The following DYNC1I1 variants were observed in gnomAD, a reference collection of about 807,000 sequenced individuals.
DYNC1I1 encodes the protein cytoplasmic dynein 1 intermediate chain 1.
A neutral mutation model predicts 86.6 loss-of-function variants in DYNC1I1; 43 were observed. The ratio of observed to expected loss-of-function variants is 0.50; its 90% CI spans 0.39 to 0.64. DYNC1I1 has a LOEUF of 0.64. DYNC1I1 is among the 30% of genes least tolerant of loss of function. DYNC1I1 has a pLI of 0.00. For missense variants in DYNC1I1, 604 were observed against 788.8 expected (o/e 0.77, Z 2.81); for synonymous variants, 262 against 283.7 (o/e 0.92, Z 0.77).
At chr7:95,834,831 T>G (rs1789029416) in intron 5 of DYNC1I1, among the ~76,000 whole-genome samples, 1 of 148,994 alleles carries the variant, frequency 6.7e-6, no homozygotes, top group Non-Finnish European at 1.5e-5. Flanking sequence ...CCTTTATCAT[T>G]TTTTATTGTG....
chr7:96,010,520 A>G (rs1221169319), intron 10 of DYNC1I1, among the ~76,000 whole-genome samples: 1 of 152,198 alleles, frequency 6.6e-6, no homozygotes, highest in Non-Finnish European at 1.5e-5. Flanking sequence ...AAACCAATAA[A>G]GTCCATTACT....
Position 95,876,279 on chromosome 7 carries a change from T to G in DYNC1I1, c.490+6281T>G, listed in dbSNP as rs549176480. ...GCTCCTATCTGGAAATAAATTCCCCTGTTTAACTTCCTTCAATTTATATCT... is the reference window on the plus strand; with the variant it reads ...GCTCCTATCTGGAAATAAATTCCCCGGTTTAACTTCCTTCAATTTATATCT... On this transcript the variant is annotated intron_variant, in intron 6 of 16. Coordinates refer to ENST00000447467, the MANE Select transcript of DYNC1I1 (RefSeq NM_001135556.2). Among the ~76,000 whole-genome samples, 20 of 152,348 alleles carry G rather than the reference T, an allele frequency of 1.3e-4. 1 individual carries two copies. Among genetic ancestry groups the G allele is most frequent in the African/African-American group, 4.8e-4 (20 of 41,578 alleles).
At chr7:96,084,972 T>C (rs1484873119) in intron 16 of DYNC1I1, among the ~76,000 whole-genome samples, 1 of 152,204 alleles carries the variant, frequency 6.6e-6, no homozygotes. Context: ...CACACCATTG[T>C]TGAGAACTCC....
At chr7:96,103,150 C>G, downstream of DYNC1I1, among the ~76,000 whole-genome samples, 1 of 152,060 alleles carries the variant, frequency 6.6e-6, no homozygotes, top group East Asian at 1.9e-4. Context: ...AAGGTGAGTT[C>G]TGTGTGAGCC....
chr7:95,896,392 G>A (rs111590900), intron 6 of DYNC1I1, among the ~76,000 whole-genome samples: 180 of 152,246 alleles, frequency 1.2e-3, no homozygotes, highest in African/African-American at 4.1e-3. Context: ...CTAATAATGC[G>A]TGCTTATATT....
intron 5 of DYNC1I1, among the ~76,000 whole-genome samples, chr7:95,845,883 G>T (rs972951766): frequency 6.6e-6 from 1 of 152,108 alleles, no homozygotes; most frequent in Non-Finnish European, 1.5e-5. Flanking sequence ...ATCACCAAGT[G>T]TTTGTTCTCT....
chr7:95,785,299 A>G (rs1794100375), intron 1 of DYNC1I1, among the ~76,000 whole-genome samples: 1 of 152,174 alleles, frequency 6.6e-6, no homozygotes, highest in Admixed American at 6.5e-5. Context: ...CTGTGGTCCC[A>G]GCTACTTAGG....
At chr7:95,880,894 C>G (rs1409376574) in intron 6 of DYNC1I1, among the ~76,000 whole-genome samples, 1 of 152,120 alleles carries the variant, frequency 6.6e-6, no homozygotes, top group East Asian at 1.9e-4. Flanking sequence ...ATCCGCCCAT[C>G]TCAGCCTCCC....
chr7:95,961,571 T>C (rs924459822), intron 6 of DYNC1I1, among the ~76,000 whole-genome samples: 1 of 152,146 alleles, frequency 6.6e-6, no homozygotes, highest in Non-Finnish European at 1.5e-5. Flanking sequence ...GGGAACAATA[T>C]AGAATGGCAG....
At chr7:95,824,679 T>C (rs1349757482) in intron 4 of DYNC1I1, among the ~76,000 whole-genome samples, 1 of 152,174 alleles carries the variant, frequency 6.6e-6, no homozygotes, top group Non-Finnish European at 1.5e-5. Flanking sequence ...GAGAAGAATG[T>C]TAAAGGGCCT....
rs146597399 is a variant in DYNC1I1 at position 95,790,267 on chromosome 7, G to T, written c.-9-14454G>T. On this transcript the variant is annotated intron_variant, in intron 1 of 16. Transcript: ENST00000447467. ...TATTTATGTGCAAACTAAGATGGTT[G>T]CTCACTCAGTCTTTGGAATCTGGTC... Among the ~76,000 whole-genome samples the T allele has an allele frequency of 2.6e-3, 402 of 152,246 alleles. 1 individual carries two copies. Among genetic ancestry groups the T allele is most frequent in the South Asian group, 3.3e-3 (16 of 4,822 alleles).
At chr7:95,983,449 C>G (rs1793505485) in intron 7 of DYNC1I1, among the ~76,000 whole-genome samples, 1 of 152,060 alleles carries the variant, frequency 6.6e-6, no homozygotes, top group South Asian at 2.1e-4. Context: ...CAGGATCATT[C>G]TAGTTTCTTG....
chr7:95,892,740 C>G (rs1167185611), intron 6 of DYNC1I1, among the ~76,000 whole-genome samples: 1 of 152,206 alleles, frequency 6.6e-6, no homozygotes, highest in East Asian at 1.9e-4. Flanking sequence ...AGCCACCGCA[C>G]CTGGCCCTGT....
chr7:96,086,503 A>G (rs1349964329), intron 16 of DYNC1I1, among the ~76,000 whole-genome samples: 2 of 152,176 alleles, frequency 1.3e-5, no homozygotes, highest in African/African-American at 4.8e-5. Flanking sequence ...TCCTAGCTTT[A>G]TTGATTTGGT....
At chr7:96,021,511 A>G (rs967240125) in intron 10 of DYNC1I1, among the ~76,000 whole-genome samples, 10 of 152,204 alleles carry the variant, frequency 6.6e-5, no homozygotes, top group Non-Finnish European at 1.3e-4. Flanking sequence ...AATTTTAACA[A>G]TTAAGATATA....
chr7:95,827,903 T>C (rs538303092), intron 4 of DYNC1I1, among the ~76,000 whole-genome samples, 154 bp from the exon 5 acceptor site: 1 of 152,214 alleles, frequency 6.6e-6, no homozygotes, highest in Non-Finnish European at 1.5e-5. Context: ...TCTTGTTTGA[T>C]AGTCACTGGG....
intron 6 of DYNC1I1, among the ~76,000 whole-genome samples, chr7:95,909,243 T>TGGGGGG (rs55986463): frequency 2.5e-5 from 1 of 40,378 alleles, no homozygotes; most frequent in African/African-American, 1.1e-4. Context: ...GGGAGGGGGG[T>TGGGGGG]GGGGGGGGGG....
intron 6 of DYNC1I1, among the ~76,000 whole-genome samples, chr7:95,899,632 T>A (rs1248189319): frequency 1.3e-5 from 2 of 152,156 alleles, no homozygotes; most frequent in East Asian, 3.9e-4. Context: ...AGTGAACCAC[T>A]CCTTCAGGCA....
At chr7:95,920,106 A>G (rs1791572150) in intron 6 of DYNC1I1, among the ~76,000 whole-genome samples, 1 of 152,182 alleles carries the variant, frequency 6.6e-6, no homozygotes, top group Non-Finnish European at 1.5e-5. Flanking sequence ...CGGGGGAAGG[A>G]GTAATCCTAT....
Sources: gnomAD v4.1 joint callset for allele counts (sites outside exome capture counted in the v4.1 genomes callset) on GRCh38, gnomAD v4.1.1 for gene constraint, MANE v1.5 for transcripts, NCBI Gene and HGNC (gene_info 2026-07-23, HGNC 2026-07-21) for gene names.